SLC26A5: variants seen among roughly 807,000 people sequenced by gnomAD.
SLC26A5 encodes the protein solute carrier family 26 member 5.
In SLC26A5, 51 loss-of-function variants were observed where a neutral mutation model predicts 81.0. The observed-to-expected ratio is 0.63, with a 90% CI of 0.50 to 0.80. SLC26A5 has a LOEUF of 0.80. Ranked by LOEUF, SLC26A5 falls within the 30% of genes least tolerant of loss-of-function variation. The pLI is 0.00. For synonymous variants in SLC26A5, 325 were observed against 332.8 expected (o/e 0.98, Z 0.25); for missense variants, 771 against 905.8 (o/e 0.85, Z 1.91).
At chr7:103,371,879 T>C (rs1821062982), downstream of SLC26A5, among the ~76,000 whole-genome samples, 2 of 151,130 alleles carry the variant, frequency 1.3e-5, no homozygotes, top group African/African-American at 4.9e-5. Context: ...TATTTTTAAA[T>C]AGAGACAGGG....
chr7:103,433,863 C>T (rs1393634714), intron 2 of SLC26A5, among the ~76,000 whole-genome samples: 2 of 151,776 alleles, frequency 1.3e-5, no homozygotes, highest in Admixed American at 6.6e-5. Context: ...CCACCACACC[C>T]GGCTAATTTT....
chr7:103,354,796 T>G (rs774076443), intron 19 of SLC26A5: 281 of 982,114 alleles, frequency 2.9e-4, no homozygotes, highest in Non-Finnish European at 4.3e-4. Flanking sequence ...AACTTAAAAA[T>G]AATTTTTACC....
intron 19 of SLC26A5, among the ~76,000 whole-genome samples, chr7:103,357,472 A>G (rs1192621454): frequency 1.3e-5 from 2 of 152,008 alleles, no homozygotes; most frequent in African/African-American, 4.8e-5. Flanking sequence ...ATATTGCTAT[A>G]TCTTGTGTAT....
intron 8 of SLC26A5, among the ~76,000 whole-genome samples, chr7:103,400,274 G>T (rs1452424918): frequency 6.6e-6 from 1 of 152,216 alleles, no homozygotes; most frequent in Non-Finnish European, 1.5e-5. Flanking sequence ...TAACTGGCAT[G>T]AGATGGTATC....
At chr7:103,369,885 T>A (rs565703051), downstream of SLC26A5, among the ~76,000 whole-genome samples, 45 of 152,322 alleles carry the variant, frequency 3.0e-4, no homozygotes, top group African/African-American at 1.0e-3. Flanking sequence ...CTTCTGAGGT[T>A]TATCTGTTAC....
At chr7:103,394,858 G>A (rs2116508557) in intron 9 of SLC26A5, among the ~76,000 whole-genome samples, 1 of 152,332 alleles carries the variant, frequency 6.6e-6, no homozygotes, top group Non-Finnish European at 1.5e-5. Flanking sequence ...GATGCTGTAT[G>A]AGTGCCTTAA....
downstream of SLC26A5, among the ~76,000 whole-genome samples, chr7:103,370,003 G>A (rs1056405003): frequency 6.6e-6 from 1 of 152,182 alleles, no homozygotes; most frequent in African/African-American, 2.4e-5. Flanking sequence ...AAGTCACTAA[G>A]CAGGCACGTT....
At chr7:103,364,396 T>A (rs1461728776) in intron 19 of SLC26A5, 46 of 1,428,420 alleles carry the variant, frequency 3.2e-5, no homozygotes, top group Non-Finnish European at 4.2e-5. Context: ...CATTGAGGGA[T>A]CCAGACCTGA....
At chr7:103,408,487 A>G (rs113104720) in intron 7 of SLC26A5, among the ~76,000 whole-genome samples, 3,455 of 152,260 alleles carry the variant, frequency 0.023, 147 homozygotes, top group African/African-American at 0.078. Context: ...TCGGCCTCCC[A>G]AAGTTCTGGG....
At chr7:103,442,887 A>C (rs1389419857) in intron 2 of SLC26A5, among the ~76,000 whole-genome samples, 196 bp downstream of exon 2, 5 of 152,234 alleles carry the variant, frequency 3.3e-5, no homozygotes, top group Admixed American at 3.3e-4. Flanking sequence ...AGGATATCTT[A>C]GGCTGATCCT....
chr7:103,366,387 A>G (rs890756845), intron 19 of SLC26A5, among the ~76,000 whole-genome samples: 4 of 152,216 alleles, frequency 2.6e-5, no homozygotes, highest in East Asian at 1.9e-4. Flanking sequence ...TTTTTGTGCT[A>G]TGGGTTGAAT....
chr7:103,398,091 T>C, intron 8 of SLC26A5, 77 bp from the exon 9 acceptor site: 1 of 1,083,626 alleles, frequency 9.2e-7, no homozygotes, highest in Non-Finnish European at 1.4e-6. Flanking sequence ...AAATAATATG[T>C]TAGTCAAGTC....
Position 103,413,127 on chromosome 7 carries a change from A to G in SLC26A5, c.293-15T>C, listed in dbSNP as rs778753891. The G allele has an allele frequency of 1.9e-5, 30 of 1,546,238 alleles. No individual in the cohort carries two copies. Among genetic ancestry groups the G allele is most frequent in the African/African-American group, 2.7e-5 (2 of 73,526 alleles). ...AAAGGCTAAGCCTGTGGGATTAAAA[A>G]CCAAACAGAAATGGGGGATCATTAG... On this transcript the variant is annotated splice_polypyrimidine_tract_variant and intron_variant, in intron 4 of 19. Coordinates refer to ENST00000306312, the MANE Select transcript of SLC26A5 (RefSeq NM_198999.3).
rs778976650 is a variant in SLC26A5, at chr7:103,421,343, C to T, written c.152+20G>A. 1.9e-6 allele frequency: 3 copies of T among 1,613,726 alleles called. No individual in the cohort carries two copies. The highest frequency in any genetic ancestry group is 2.2e-5 in the South Asian group (2 of 91,054). ...TAACTGAATGATACAATAACAGAAA[C>T]AGGTTAAAAGGCAACGTACGTGAAT... On this transcript the variant is annotated intron_variant, in intron 3 of 19. Transcript: ENST00000306312.
chr7:103,355,576 A>G (rs1819986769), intron 19 of SLC26A5: 2 of 735,996 alleles, frequency 2.7e-6, no homozygotes, highest in South Asian at 1.7e-5. Context: ...TATAATGCAC[A>G]TGATAGTCCT....
At chr7:103,369,533 A>G (rs1820906556), downstream of SLC26A5, 1 of 152,244 alleles carries the variant, frequency 6.6e-6, no homozygotes, top group Admixed American at 6.5e-5. Flanking sequence ...CATAAGGAAA[A>G]TCTAATCGGC....
intron 4 of SLC26A5, 106 bp from the exon 5 acceptor site, chr7:103,413,218 C>G: frequency 1.3e-6 from 1 of 793,740 alleles, no homozygotes; most frequent in Admixed American, 2.0e-5. Flanking sequence ...TGAAGCCCAT[C>G]TTAATTTAAG....
intron 4 of SLC26A5, among the ~76,000 whole-genome samples, chr7:103,416,416 AG>A (rs1824912705): frequency 6.6e-6 from 1 of 152,252 alleles, no homozygotes; most frequent in African/African-American, 2.4e-5. Context: ...AAAGTAGAGA[AG>A]GGAACAGCCT....
chr7:103,393,745 T>A (rs1453768343), intron 9 of SLC26A5, among the ~76,000 whole-genome samples: 16 of 152,066 alleles, frequency 1.1e-4, no homozygotes, highest in Admixed American at 1.0e-3. Context: ...TTGTGGTACA[T>A]ACTTGTAGTC....
Sources: allele counts gnomAD v4.1 joint callset (sites outside exome capture counted in the v4.1 genomes callset), GRCh38; gene constraint gnomAD v4.1.1; transcripts MANE v1.5; gene names NCBI Gene and HGNC (gene_info 2026-07-23, HGNC 2026-07-21).